Variants in CRAMP1 observed in about 807,000 individuals in gnomAD.
The protein encoded by CRAMP1 is cramped chromatin regulator 1, also known as protein cramped-like.
In CRAMP1, 50 loss-of-function variants were observed where a neutral mutation model predicts 115.4. The ratio of observed to expected loss-of-function variants is 0.43; its 90% confidence interval spans 0.35 to 0.55. The LOEUF is 0.55. CRAMP1 is among the 20% of genes least tolerant of loss of function. The pLI is 0.01. For missense variants in CRAMP1, 1,679 were observed against 1,721.7 expected (o/e 0.98, Z 0.44); for synonymous variants, 866 against 745.4 (o/e 1.16, Z -2.64).
chr16:1,642,751 C>T (rs2036642916), intron 6 of CRAMP1, among the ~76,000 whole-genome samples: 1 of 152,230 alleles, frequency 6.6e-6, no homozygotes, highest in Non-Finnish European at 1.5e-5. Flanking sequence ...CCGCAGGATC[C>T]ATACTTGGGG....
chr16:1,627,984 G>A (rs2036520304), intron 3 of CRAMP1, among the ~76,000 whole-genome samples: 1 of 152,220 alleles, frequency 6.6e-6, no homozygotes, highest in African/African-American at 2.4e-5. Context: ...AGCAGGAGAT[G>A]TGGTTGTCCA....
rs1189367719 is a variant in CRAMP1 at position 1,614,968 on chromosome 16, C to T, written c.329C>T (p.Ser110Leu). ...SAVGSGNAGG[S>L]GPRGKGAEGG... Reference sequence around the variant, plus strand: ...GTGGGGAGCGGCAACGCCGGTGGCTCGGGGCCCCGCGGAAAAGGTAGGGCG... The same window carrying T: ...GTGGGGAGCGGCAACGCCGGTGGCTTGGGGCCCCGCGGAAAAGGTAGGGCG... Residue 110 changes from serine to leucine, a missense_variant, in exon 2 of 21, where the codon TCG becomes TTG. By Grantham distance (145) the Ser-to-Leu change is moderately radical. Coordinates refer to ENST00000397412, the MANE Select transcript of CRAMP1 (RefSeq NM_020825.4). This position sits in a 1 kb window ranked among gnomAD's most constrained non-coding sequence, Gnocchi z 4.4. The T allele has an allele frequency of 4.8e-6, 6 of 1,254,702 alleles. No homozygotes were observed. Among genetic ancestry groups the T allele is most frequent in the Admixed American group, 4.2e-5 (1 of 23,958 alleles). 77.7% of individuals were successfully genotyped at this position (1,254,702 alleles called of 1,614,324 possible).
rs557933857 is a variant in CRAMP1, at chr16:1,624,076, G to A, written c.347-1897G>A. Among the ~76,000 whole-genome samples the A allele has an allele frequency of 1.2e-4, 19 of 152,260 alleles. No homozygotes were observed. The East Asian group carries it at 2.9e-3, about 23-fold the overall frequency. The stretch of plus-strand genomic sequence containing the variant: ...ACCGTCTGGTAGCTCTCTCTGCAAC[G>A]ATGGCCGCATGTGGACATTGACTAC... On this transcript the variant is annotated intron_variant, in intron 2 of 20. Transcript: ENST00000397412.
At position 1,670,562 on chromosome 16, in the gene CRAMP1, G is replaced by A. The variant is rs1223342906; in HGVS notation, c.3500-102G>A. 9 of 1,310,258 alleles carry A rather than the reference G, an allele frequency of 6.9e-6. No individual in the cohort carries two copies. The East Asian group carries it at 1.9e-4, about 27-fold the overall frequency. 81.2% of individuals were successfully genotyped at this position (1,310,258 alleles called of 1,614,324 possible). On this transcript the variant is annotated intron_variant, in intron 19 of 20. Coordinates refer to ENST00000397412, the MANE Select transcript of CRAMP1 (RefSeq NM_020825.4). The stretch of plus-strand genomic sequence containing the variant: ...AGTCTGGATTGGGGCCGGGGCCGGG[G>A]CTAGGGCTTGGGCTGGCTGCCCCCA...
Position 1,677,881 on chromosome 16 carries a change from G to T in CRAMP1, c.*3836G>T. ...TTCAACTTGTAAATGTTTTTATTGT[G>T]CATAAATACATACTAATGTTGATCT... On this transcript the variant is annotated 3_prime_UTR_variant, in exon 21 of 21. Transcript: ENST00000397412. 1 of 161,046 alleles carries T rather than the reference G, an allele frequency of 6.2e-6. No individual in the cohort carries two copies. The highest frequency in any genetic ancestry group is 1.4e-5 in the Non-Finnish European group (1 of 73,790). 10.0% of individuals were successfully genotyped at this position (161,046 alleles called of 1,614,324 possible).
Position 1,666,141 on chromosome 16 carries a change from A to G in CRAMP1, c.2821A>G (p.Lys941Glu). 1 of 1,610,654 alleles carries G rather than the reference A, an allele frequency of 6.2e-7. No individual in the cohort carries two copies. The highest frequency in any genetic ancestry group is 2.2e-5 in the East Asian group (1 of 44,754). ...KAALSRPIVP[K>E]VLPPQATSHL... ...AGCTCTGTCTCGGCCGATCGTGCCCAAGGTCCTTCCACCCCAGGCCACGAG... is the reference window on the plus strand; with the variant it reads ...AGCTCTGTCTCGGCCGATCGTGCCCGAGGTCCTTCCACCCCAGGCCACGAG... The change falls in exon 15 of 21, where the codon AAG becomes GAG. Residue 941 changes from lysine (K) to glutamate (E), a missense_variant. Around this residue, in one of 8 missense-constraint regions of CRAMP1, gnomAD observed 709 missense variants for 741.9 expected, o/e 0.96. Transcript: ENST00000397412. This position sits in a 1 kb window ranked among gnomAD's most constrained non-coding sequence, Gnocchi z 5.0.
chr16:1,654,434 A>T (rs2036752023), intron 8 of CRAMP1, among the ~76,000 whole-genome samples: 1 of 152,002 alleles, frequency 6.6e-6, no homozygotes, highest in Non-Finnish European at 1.5e-5. Context: ...CTGGTCTCGA[A>T]CTCCTGATCT....
chr16:1,648,604 CAA>C (rs1006289902), intron 6 of CRAMP1, among the ~76,000 whole-genome samples: 18 of 108,222 alleles, frequency 1.7e-4, no homozygotes, highest in South Asian at 3.2e-4. Flanking sequence ...GACTCTGTCT[CAA>C]AAAAAAAAAA....
chr16:1,635,565 C>A (rs1181807615), intron 4 of CRAMP1, among the ~76,000 whole-genome samples: 1 of 152,220 alleles, frequency 6.6e-6, no homozygotes, highest in African/African-American at 2.4e-5. Context: ...CAGGGTCCCA[C>A]CTCCCCTGGG....
intron 6 of CRAMP1, among the ~76,000 whole-genome samples, chr16:1,648,146 A>T (rs1350134441): frequency 6.6e-6 from 1 of 152,060 alleles, no homozygotes; most frequent in Admixed American, 6.5e-5. Flanking sequence ...GTCACAAAAT[A>T]GCAGTTTAAC....
At chr16:1,645,609 T>C (rs1256848074) in intron 6 of CRAMP1, among the ~76,000 whole-genome samples, 1 of 152,178 alleles carries the variant, frequency 6.6e-6, no homozygotes, top group Non-Finnish European at 1.5e-5. Context: ...AGATGGGTAA[T>C]GACATGTGCC....
At chr16:1,655,411 G>A in intron 9 of CRAMP1, 111 bp downstream of exon 9, 1 of 858,472 alleles carries the variant, frequency 1.2e-6, no homozygotes, top group Non-Finnish European at 2.0e-6. Flanking sequence ...GGGCAGAACA[G>A]CCATGCTGTG....
chr16:1,673,444 G>T (rs2036939420), intron 20 of CRAMP1, among the ~76,000 whole-genome samples: 2 of 152,230 alleles, frequency 1.3e-5, no homozygotes, highest in South Asian at 2.1e-4. Context: ...CGTATCCTCG[G>T]GTTTTACCCC....
rs1381764502 is a variant in CRAMP1, at chr16:1,628,426, G to T, written c.540+2260G>T. 3.3e-5 allele frequency among the ~76,000 whole-genome samples: 5 copies of T among 152,312 alleles called. No individual in the cohort carries two copies. In the South Asian group the frequency reaches 6.2e-4, roughly 19 times the overall value. ...CCGCCACCACACCCGGCTAATTTTT[G>T]TATTTTTATTACAGACCGAGTTTCG... On this transcript the variant is annotated intron_variant, in intron 3 of 20. Transcript: ENST00000397412.
Position 1,674,539 on chromosome 16 carries a change from T to C in CRAMP1, c.*494T>C, listed in dbSNP as rs192845815. 7 of 161,220 alleles carry C rather than the reference T, an allele frequency of 4.3e-5. No individual in the cohort carries two copies. Among genetic ancestry groups the C allele is most frequent in the Admixed American group, 2.4e-4 (4 of 16,768 alleles). 10.0% of individuals were successfully genotyped at this position (161,220 alleles called of 1,614,324 possible). ...CTGTGGACTGTAACGGGCAGGACAG[T>C]TGGGTGTGGCCTGGGCTCATGCCTG... On this transcript the variant is annotated 3_prime_UTR_variant, in exon 21 of 21. Coordinates refer to ENST00000397412, the MANE Select transcript of CRAMP1 (RefSeq NM_020825.4).
intron 2 of CRAMP1, among the ~76,000 whole-genome samples, chr16:1,619,919 T>C (rs1430352459): frequency 1.3e-5 from 2 of 152,092 alleles, no homozygotes; most frequent in African/African-American, 4.8e-5. Flanking sequence ...GTGGACCAGA[T>C]CTTTAGATTG....
Position 1,652,572 on chromosome 16 carries a change from G to A in CRAMP1, c.904G>A (p.Asp302Asn), listed in dbSNP as rs1209863020. The A allele has an allele frequency of 2.6e-6, 4 of 1,552,540 alleles. No homozygotes were observed. The highest frequency in any genetic ancestry group is 2.4e-5 in the East Asian group (1 of 41,036). The change falls in exon 7 of 21, where the codon GAT becomes AAT. Residue 302 changes from aspartate (D) to asparagine (N), a missense_variant. Asp to Asn is a conservative substitution (Grantham distance 23). Coordinates refer to ENST00000397412, the MANE Select transcript of CRAMP1 (RefSeq NM_020825.4). ...GTGCCGGGCCCTGAAGAAGCTGTGC[G>A]ATCCAGATGGTAAGTGAATGGGGCG... ...PMCRALKKLC[D>N]PDGLSDEEDQ...
intron 2 of CRAMP1, among the ~76,000 whole-genome samples, chr16:1,620,136 C>T (rs2036453981): frequency 6.6e-6 from 1 of 152,108 alleles, no homozygotes; most frequent in African/African-American, 2.4e-5. Flanking sequence ...AAGCCCTCAC[C>T]CACAACTCTG....
At chr16:1,624,841 C>T (rs768409490) in intron 2 of CRAMP1, among the ~76,000 whole-genome samples, 2 of 152,212 alleles carry the variant, frequency 1.3e-5, no homozygotes, top group African/African-American at 2.4e-5. Context: ...CTCAGCCTCC[C>T]ACAGTGCTGG....
Sources: allele counts gnomAD v4.1 joint callset (sites outside exome capture counted in the v4.1 genomes callset), GRCh38; gene constraint gnomAD v4.1.1; regional missense constraint gnomAD v4.1.1; non-coding constraint Gnocchi (gnomAD v3.1); transcripts MANE v1.5; gene names NCBI Gene and HGNC (gene_info 2026-07-23, HGNC 2026-07-21).